SETDB2: variants seen among roughly 807,000 people sequenced by gnomAD.
SETDB2 encodes SET domain bifurcated histone lysine methyltransferase 2, also known as histone-lysine N-methyltransferase SETDB2.
SETDB2 carries 56 observed loss-of-function variants against 82.5 expected under a neutral mutation model. That is an observed-to-expected ratio of 0.68 (90% CI 0.55 to 0.85). The LOEUF (loss-of-function observed/expected upper bound fraction) is 0.85, where lower values mean the gene tolerates loss of function less well. Among genes scored for constraint, SETDB2 ranks in the 40% least tolerant of loss-of-function variants. The pLI is 0.00. For synonymous variants in SETDB2, 272 were observed against 284.9 expected, an observed-to-expected ratio of 0.95 and a Z score of 0.46; for missense variants, 677 against 816.4, an observed-to-expected ratio of 0.83 and a Z score of 2.08.
intron 1 of SETDB2, among the ~76,000 whole-genome samples, chr13:49,447,360 A>G (rs1278953388): frequency 1.3e-5 from 2 of 152,036 alleles, no homozygotes; most frequent in African/African-American, 4.8e-5. Flanking sequence ...TCCTCTGCCA[A>G]TCTTTAGGCC....
At chr13:49,447,533 C>T (rs1478064259) in intron 1 of SETDB2, among the ~76,000 whole-genome samples, 1 of 152,024 alleles carries the variant, frequency 6.6e-6, no homozygotes, top group African/African-American at 2.4e-5. Flanking sequence ...TAGATAGCCT[C>T]GATCAGAATA....
chr13:49,464,937 G>A (rs557976239), intron 4 of SETDB2, among the ~76,000 whole-genome samples: 2 of 152,040 alleles, frequency 1.3e-5, no homozygotes, highest in Non-Finnish European at 1.5e-5. Context: ...GTGGTGGTGT[G>A]TGCCTGTGAT....
intron 3 of SETDB2, 113 bp downstream of exon 3, chr13:49,460,345 C>A (rs909251939): frequency 1.0e-4 from 113 of 1,103,938 alleles, no homozygotes; most frequent in Non-Finnish European, 1.4e-4. Context: ...GATGTAATTA[C>A]TTTTGAATAA....
intron 13 of SETDB2, among the ~76,000 whole-genome samples, chr13:49,491,281 TA>T (rs1198381334): frequency 6.6e-6 from 1 of 152,242 alleles, no homozygotes; most frequent in Non-Finnish European, 1.5e-5. Context: ...TCAATTATCC[TA>T]AACTGTTCCT....
intron 8 of SETDB2, among the ~76,000 whole-genome samples, chr13:49,481,701 A>C (rs898825181): frequency 4.6e-5 from 7 of 152,306 alleles, no homozygotes; most frequent in African/African-American, 1.7e-4. Context: ...AGGGCCAAAC[A>C]CATCAGTCTT....
In SETDB2 at chr13:49,491,941, C is replaced by T. The variant is rs759162696; in HGVS notation, c.*92C>T. The T allele has an allele frequency of 1.2e-6, 1 of 858,934 alleles. No individual in the cohort carries two copies. Among genetic ancestry groups the T allele is most frequent in the South Asian group, 1.3e-5 (1 of 74,944 alleles). The allele number at this position is 858,934 out of a possible 1,614,324, so 53.2% of individuals were successfully genotyped here. A position where few individuals can be genotyped will look rare whatever the true frequency, so the allele number is the denominator to read the frequency against. Reference sequence around the variant, plus strand: ...GTCTAGGTCCATCAAGGAAATTCCCCTCCGTTTTCCTTTGTCATGGGGTTT... The same window carrying T: ...GTCTAGGTCCATCAAGGAAATTCCCTTCCGTTTTCCTTTGTCATGGGGTTT... On this transcript the variant is annotated 3_prime_UTR_variant, in exon 14 of 14. Transcript: ENST00000611815.
intron 1 of SETDB2, among the ~76,000 whole-genome samples, 196 bp downstream of exon 1, chr13:49,445,053 A>C (rs1957633203): frequency 6.6e-6 from 1 of 152,218 alleles, no homozygotes; most frequent in African/African-American, 2.4e-5. Context: ...CTAACACATG[A>C]GGCCAAGGAG....
At chr13:49,481,661 A>G (rs564450059) in intron 8 of SETDB2, among the ~76,000 whole-genome samples, 12 of 152,330 alleles carry the variant, frequency 7.9e-5, no homozygotes, top group Admixed American at 6.5e-4. Context: ...ACAGTCATGC[A>G]ATTACTGATT....
At chr13:49,469,713 G>GC (rs986914659) in intron 5 of SETDB2, among the ~76,000 whole-genome samples, 3 of 151,600 alleles carry the variant, frequency 2.0e-5, no homozygotes, top group South Asian at 4.2e-4. Context: ...TATATTTGAA[G>GC]TTTTTTTTTC....
intron 11 of SETDB2, among the ~76,000 whole-genome samples, chr13:49,487,699 G>A (rs1053455183): frequency 6.6e-6 from 1 of 152,172 alleles, no homozygotes; most frequent in Non-Finnish European, 1.5e-5. Flanking sequence ...TAAGAAAAAC[G>A]ATTAAGCAGT....
intron 12 of SETDB2, 133 bp downstream of exon 12, chr13:49,488,763 C>T: frequency 2.9e-6 from 2 of 687,022 alleles, no homozygotes; most frequent in Non-Finnish European, 2.4e-6. Flanking sequence ...CACTTGTATA[C>T]AGTTGGATGT....
intron 11 of SETDB2, among the ~76,000 whole-genome samples, chr13:49,486,023 C>T (rs1958591421): frequency 6.6e-6 from 1 of 151,452 alleles, no homozygotes; most frequent in African/African-American, 2.5e-5. Flanking sequence ...ATTTTAGTGT[C>T]CAGAAATAAA....
chr13:49,493,708 A>G lies in SETDB2; in HGVS notation c.*1859A>G, dbSNP rs1451600520. On this transcript the variant is annotated 3_prime_UTR_variant, in exon 14 of 14. Coordinates refer to ENST00000611815, the MANE Select transcript of SETDB2 (RefSeq NM_001160308.3). ...TGATTGCTGTTTTGGTTGGCAAGGT[A>G]TAGGATTCTTTAGTGGTCTCCATGC... 1 of 152,212 alleles carries G rather than the reference A, an allele frequency of 6.6e-6. No individual in the cohort carries two copies. Among genetic ancestry groups the G allele is most frequent in the Non-Finnish European group, 1.5e-5 (1 of 68,048 alleles). The allele number at this position is 152,212 out of a possible 1,614,324, so 9.4% of individuals were successfully genotyped here.
chr13:49,479,765 T>TG (rs1958442995), intron 6 of SETDB2, among the ~76,000 whole-genome samples: 1 of 152,154 alleles, frequency 6.6e-6, no homozygotes, highest in Non-Finnish European at 1.5e-5. Flanking sequence ...AAGGATTCAA[T>TG]AATAGTAGGC....
At chr13:49,461,202 T>C in intron 4 of SETDB2, 40 bp downstream of exon 4, 1 of 1,421,420 alleles carries the variant, frequency 7.0e-7, no homozygotes, top group Non-Finnish European at 9.8e-7. Context: ...TATTCTCTGA[T>C]ATTTTCTTGC....
chr13:49,475,710 GCTC>G (rs1003185882), intron 5 of SETDB2, among the ~76,000 whole-genome samples: 1 of 151,806 alleles, frequency 6.6e-6, no homozygotes, highest in African/African-American at 2.4e-5. Flanking sequence ...CTGATCTTGA[GCTC>G]CTGAGCTCAA....
intron 11 of SETDB2, among the ~76,000 whole-genome samples, chr13:49,486,496 CT>C (rs1172266076): frequency 1.1e-4 from 16 of 152,278 alleles, no homozygotes; most frequent in African/African-American, 3.6e-4. Flanking sequence ...CCAGTAGTGA[CT>C]TGATGCATGA....
intron 6 of SETDB2, 45 bp from the exon 7 acceptor site, chr13:49,480,174 C>T (rs762852860): frequency 7.8e-7 from 1 of 1,279,110 alleles, no homozygotes; most frequent in South Asian, 1.3e-5. Context: ...CTTGACTTGA[C>T]TTGCTGCTTT....
intron 5 of SETDB2, among the ~76,000 whole-genome samples, chr13:49,470,713 G>A (rs570443064): frequency 6.6e-6 from 1 of 152,274 alleles, no homozygotes; most frequent in East Asian, 1.9e-4. Flanking sequence ...GCCGGGCTTG[G>A]TGGCACATGC....
Sources: allele counts gnomAD v4.1 joint callset (sites outside exome capture counted in the v4.1 genomes callset), GRCh38; gene constraint gnomAD v4.1.1; transcripts MANE v1.5; gene names NCBI Gene and HGNC (gene_info 2026-07-23, HGNC 2026-07-21).